HTR7: variants seen among roughly 807,000 people sequenced by gnomAD.
HTR7 encodes 5-hydroxytryptamine receptor 7, also known as 5-HT-7.
In HTR7, 16 loss-of-function variants were observed where a neutral mutation model predicts 34.0. That is an observed-to-expected ratio of 0.47 (90% CI 0.32 to 0.71). The LOEUF (loss-of-function observed/expected upper bound fraction) is 0.71. Among genes scored for constraint, HTR7 ranks in the 30% least tolerant of loss-of-function variants. The pLI, the probability that HTR7 is intolerant of heterozygous loss-of-function variation, is 0.04. For synonymous variants in HTR7, 265 were observed against 260.2 expected (o/e 1.02, Z -0.18); for missense variants, 504 against 625.5 (o/e 0.81, Z 2.07).
At chr10:90,847,411 T>G (rs1208328885) in intron 1 of HTR7, among the ~76,000 whole-genome samples, 3 of 152,080 alleles carry the variant, frequency 2.0e-5, no homozygotes, top group African/African-American at 7.2e-5. Context: ...GAAGACCCAT[T>G]TCATCTCCTT....
intron 1 of HTR7, among the ~76,000 whole-genome samples, chr10:90,754,535 T>C (rs1461073684): frequency 1.3e-5 from 2 of 152,184 alleles, no homozygotes; most frequent in East Asian, 1.9e-4. Flanking sequence ...TACTGTAAAA[T>C]GCATACGAAT....
chr10:90,799,585 C>G (rs1220007073), intron 1 of HTR7, among the ~76,000 whole-genome samples: 5 of 152,160 alleles, frequency 3.3e-5, no homozygotes, highest in African/African-American at 1.2e-4. Flanking sequence ...AAATCATCTC[C>G]TGTACCCCTC....
At chr10:90,766,228 G>A (rs1845021626) in intron 1 of HTR7, among the ~76,000 whole-genome samples, 1 of 152,092 alleles carries the variant, frequency 6.6e-6, no homozygotes, top group African/African-American at 2.4e-5. Context: ...TATTTAAATT[G>A]TTGTATCTTC....
At position 90,748,868 on chromosome 10, in the gene HTR7, A is replaced by T; in HGVS notation, c.1266T>A (p.Ala422=). ...AAGMHEALKL[A]ERPERPEFVL... is the part of the protein sequence containing the mutation. ...CAAACTCAGGTCTCTCTGGCCTCTC[A>T]GCAAGCTTCAGGGCTTCATGCATGC... The change falls in exon 2 of 4, where the codon GCT becomes GCA. Residue 422 remains alanine, a synonymous_variant. Coordinates refer to ENST00000336152, the MANE Select transcript of HTR7 (RefSeq NM_019859.4). 6.2e-7 allele frequency: 1 copy of T among 1,613,956 alleles called. No homozygotes were observed. Among genetic ancestry groups the T allele is most frequent in the Non-Finnish European group, 8.5e-7 (1 of 1,179,936 alleles).
intron 1 of HTR7, among the ~76,000 whole-genome samples, chr10:90,795,948 A>T (rs1018445254): frequency 6.6e-6 from 1 of 152,228 alleles, no homozygotes; most frequent in African/African-American, 2.4e-5. Flanking sequence ...GGTTATCATA[A>T]GGAGTTATAG....
At chr10:90,779,186 A>G (rs781333598) in intron 1 of HTR7, among the ~76,000 whole-genome samples, 4 of 152,168 alleles carry the variant, frequency 2.6e-5, no homozygotes, top group Non-Finnish European at 4.4e-5. Flanking sequence ...CCTCTTGAAG[A>G]TTTTTTAAAA....
intron 1 of HTR7, among the ~76,000 whole-genome samples, chr10:90,825,536 G>A (rs1329816616): frequency 6.6e-6 from 1 of 152,206 alleles, no homozygotes; most frequent in African/African-American, 2.4e-5. Context: ...ATCCCAGAGA[G>A]ATGGAGATAT....
intron 1 of HTR7, among the ~76,000 whole-genome samples, chr10:90,768,836 A>G (rs554863507): frequency 1.2e-4 from 18 of 152,356 alleles, no homozygotes; most frequent in African/African-American, 4.1e-4. Flanking sequence ...ATAAAGAATA[A>G]AACAACTCCA....
chr10:90,794,959 C>T (rs897681377), intron 1 of HTR7, among the ~76,000 whole-genome samples: 1 of 152,218 alleles, frequency 6.6e-6, no homozygotes, highest in Non-Finnish European at 1.5e-5. Context: ...CCATCATAAT[C>T]TTATGGAACC....
At chr10:90,743,918 T>G in intron 2 of HTR7, 1 of 666,156 alleles carries the variant, frequency 1.5e-6, no homozygotes, top group Non-Finnish European at 2.8e-6. Flanking sequence ...AATTTTCGAG[T>G]GCCTGATGAA....
intron 1 of HTR7, among the ~76,000 whole-genome samples, chr10:90,813,884 C>A (rs566598462): frequency 6.6e-6 from 1 of 152,146 alleles, no homozygotes. Context: ...ATGTAAACAT[C>A]GCACCTGGTC....
chr10:90,786,142 T>A (rs1254781305), intron 1 of HTR7, among the ~76,000 whole-genome samples: 1 of 152,220 alleles, frequency 6.6e-6, no homozygotes, highest in African/African-American at 2.4e-5. Flanking sequence ...AACACATAAT[T>A]TAGAAGAGCA....
At chr10:90,795,960 G>C (rs1254178933) in intron 1 of HTR7, among the ~76,000 whole-genome samples, 1 of 152,190 alleles carries the variant, frequency 6.6e-6, no homozygotes, top group Non-Finnish European at 1.5e-5. Context: ...GAGTTATAGA[G>C]AGCAAGGTTT....
At chr10:90,831,257 C>A (rs774815382) in intron 1 of HTR7, among the ~76,000 whole-genome samples, 1 of 152,130 alleles carries the variant, frequency 6.6e-6, no homozygotes, top group Non-Finnish European at 1.5e-5. Flanking sequence ...TTAAAGGCAG[C>A]GTGTCCGGAG....
Position 90,749,990 on chromosome 10 carries a change from C to G in HTR7, c.540-396G>C, listed in dbSNP as rs1391240271. Among the ~76,000 whole-genome samples, 3 of 152,208 alleles carry G rather than the reference C, an allele frequency of 2.0e-5. No individual in the cohort carries two copies. The highest frequency in any genetic ancestry group is 4.4e-5 in the Non-Finnish European group (3 of 68,030). The stretch of plus-strand genomic sequence containing the variant: ...CACATTCTCAAAACTTAACCAAGGT[C>G]TACCACACTCTGGTATTATACACCC... On this transcript the variant is annotated intron_variant, in intron 1 of 3. Transcript: ENST00000336152. The surrounding 1 kb of genome is among the most constrained non-coding windows in gnomAD (Gnocchi z 4.2).
intron 1 of HTR7, among the ~76,000 whole-genome samples, chr10:90,797,756 G>T (rs1426110725): frequency 2.6e-5 from 4 of 152,204 alleles, no homozygotes; most frequent in South Asian, 2.1e-4. Flanking sequence ...ATTCAATGAG[G>T]TCACATGCTG....
intron 1 of HTR7, among the ~76,000 whole-genome samples, chr10:90,756,562 G>T (rs1024142138): frequency 4.6e-5 from 7 of 152,134 alleles, no homozygotes; most frequent in African/African-American, 1.7e-4. Flanking sequence ...AGCATTGAGG[G>T]AGAGAAGTAG....
chr10:90,762,372 TC>T (rs1226274781), intron 1 of HTR7, among the ~76,000 whole-genome samples: 6 of 152,218 alleles, frequency 3.9e-5, no homozygotes, highest in Non-Finnish European at 2.9e-5. Context: ...TGTTTATGTT[TC>T]CCTGATGATA....
chr10:90,769,288 C>A (rs1845071253), intron 1 of HTR7, among the ~76,000 whole-genome samples: 1 of 152,152 alleles, frequency 6.6e-6, no homozygotes, highest in African/African-American at 2.4e-5. Flanking sequence ...TTTGATAAGA[C>A]CATTTCTCTT....
Sources: allele counts gnomAD v4.1 joint callset (sites outside exome capture counted in the v4.1 genomes callset), GRCh38; gene constraint gnomAD v4.1.1; non-coding constraint Gnocchi (gnomAD v3.1); transcripts MANE v1.5; gene names NCBI Gene and HGNC (gene_info 2026-07-23, HGNC 2026-07-21).